Variants in ABCC8 observed in about 807,000 individuals in gnomAD.
The protein encoded by ABCC8 is ATP binding cassette subfamily C member 8.
Under a neutral mutation model 188.0 loss-of-function variants are expected in ABCC8, and 137 were observed. The ratio of observed to expected loss-of-function variants is 0.73; its 90% CI spans 0.63 to 0.84. The LOEUF (loss-of-function observed/expected upper bound fraction) is 0.84, where lower values mean the gene tolerates loss of function less well. Among genes scored for constraint, ABCC8 ranks in the 40% least tolerant of loss-of-function variants. The probability of loss-of-function intolerance (pLI) is 0.00; values close to 1 mark genes in which losing one functional copy is unlikely to be tolerated. For synonymous variants in ABCC8, 797 were observed against 846.5 expected (o/e 0.94, Z 1.01); for missense variants, 1,750 against 2,072.7 (o/e 0.84, Z 3.02).
rs1324693281 is a variant in ABCC8, at chr11:17,463,421, C to G, written c.579+17G>C. On this transcript the variant is annotated intron_variant, in intron 4 of 38. Transcript: ENST00000389817. ...CCTCTGCTTCCCACCCCACCCTGGC[C>G]CAGGTGGCCTGCTTACCCTCACCCT... 6.3e-7 allele frequency: 1 copy of G among 1,593,222 alleles called. No individual in the cohort carries two copies. The highest frequency in any genetic ancestry group is 8.6e-7 in the Non-Finnish European group (1 of 1,169,150).
chr11:17,399,275 C>CAAAAAAAAAAAAAAAAAAA (rs57138230), intron 29 of ABCC8, among the ~76,000 whole-genome samples: 3 of 58,548 alleles, frequency 5.1e-5, no homozygotes, highest in African/African-American at 9.0e-5. Flanking sequence ...GACTCTGCCT[C>CAAAAAAAAAAAAAAAAAAA]AAAAAAAAAA....
chr11:17,448,810 T>G, intron 7 of ABCC8, 139 bp from the exon 8 acceptor site: 1 of 1,364,636 alleles, frequency 7.3e-7, no homozygotes, highest in Non-Finnish European at 1.0e-6. Flanking sequence ...AAGGTGGTAC[T>G]GTATCACCGT....
At chr11:17,394,873 G>A (rs199655951) in intron 36 of ABCC8, among the ~76,000 whole-genome samples, 1 of 152,074 alleles carries the variant, frequency 6.6e-6, no homozygotes, top group Admixed American at 6.5e-5. Context: ...GATGGGGCAG[G>A]GCAGGGCTGA....
At chr11:17,441,662 C>A (rs2237978) in intron 10 of ABCC8, among the ~76,000 whole-genome samples, 1 of 151,976 alleles carries the variant, frequency 6.6e-6, no homozygotes, top group Admixed American at 6.6e-5. Flanking sequence ...CACGGAGCCA[C>A]GAGACCAACT....
chr11:17,423,986 G>A (rs1955468907), intron 16 of ABCC8, among the ~76,000 whole-genome samples: 1 of 152,200 alleles, frequency 6.6e-6, no homozygotes, highest in African/African-American at 2.4e-5. Context: ...AATATCTACT[G>A]CACAGAGTTC....
At chr11:17,400,220 C>T (rs1311269597) in intron 29 of ABCC8, among the ~76,000 whole-genome samples, 3 of 152,288 alleles carry the variant, frequency 2.0e-5, no homozygotes, top group African/African-American at 7.2e-5. Context: ...GAGCATGCTA[C>T]TGCACACCCC....
chr11:17,396,723 A>G, intron 33 of ABCC8, 193 bp downstream of exon 33: 2 of 688,704 alleles, frequency 2.9e-6, no homozygotes, highest in Non-Finnish European at 4.9e-6. Context: ...TGAGGGCAGC[A>G]CTGGGGGAAG....
Position 17,430,864 on chromosome 11 carries a change from C to A in ABCC8, c.1767G>T (p.Pro589=), listed in dbSNP as rs550788491. ...SLSLFHILVT[P]LFLLSSVVRS... ...GGACCACACTGGACAGCAGGAACAG[C>A]GGTGTGACCAAGATATGGAAGAGGG... The change falls in exon 12 of 39, where the codon CCG becomes CCT. Residue 589 remains proline, a synonymous_variant. Transcript: ENST00000389817. The A allele has an allele frequency of 1.9e-6, 3 of 1,614,112 alleles. No homozygotes were observed. The highest frequency in any genetic ancestry group is 1.7e-5 in the Admixed American group (1 of 60,004).
At chr11:17,476,119 G>A (rs1396963262) in intron 1 of ABCC8, among the ~76,000 whole-genome samples, 1 of 152,214 alleles carries the variant, frequency 6.6e-6, no homozygotes. Context: ...GACTGTCAGA[G>A]ATCACGGACC....
intron 33 of ABCC8, chr11:17,396,395 A>C (rs1953929761): frequency 1.3e-5 from 4 of 316,776 alleles, no homozygotes; most frequent in South Asian, 1.2e-4. Context: ...ATAGTGACAT[A>C]GAAGGATGAG....
At chr11:17,421,424 G>A (rs1203879038) in intron 16 of ABCC8, among the ~76,000 whole-genome samples, 1 of 152,196 alleles carries the variant, frequency 6.6e-6, no homozygotes, top group East Asian at 1.9e-4. Flanking sequence ...TATAATGGCA[G>A]CCTCTTGAAG....
At chr11:17,472,205 A>G (rs1218281208) in intron 2 of ABCC8, among the ~76,000 whole-genome samples, 2 of 152,242 alleles carry the variant, frequency 1.3e-5, no homozygotes, top group Non-Finnish European at 2.9e-5. Context: ...ACATGGCTTC[A>G]TAGAATAGTT....
At chr11:17,430,610 A>G (rs1188691284) in intron 12 of ABCC8, 4 of 691,292 alleles carry the variant, frequency 5.8e-6, no homozygotes, top group Non-Finnish European at 1.1e-5. Flanking sequence ...GGAGGTATGT[A>G]AGCAAGTCCT....
At chr11:17,474,557 T>C (rs201537265) in intron 2 of ABCC8, among the ~76,000 whole-genome samples, 1 of 151,318 alleles carries the variant, frequency 6.6e-6, no homozygotes, top group Non-Finnish European at 1.5e-5. Context: ...TTTTTTTTTT[T>C]CCAAGAAGGT....
At chr11:17,396,008 T>A in intron 33 of ABCC8, 78 bp from the exon 34 acceptor site, 1 of 1,545,890 alleles carries the variant, frequency 6.5e-7, no homozygotes, top group East Asian at 2.4e-5. Context: ...TCTGGGTGTG[T>A]GTGCAGGTGT....
rs997475867 is a variant in ABCC8, at chr11:17,454,714, T to C, written c.1012-1431A>G. Among the ~76,000 whole-genome samples the C allele has an allele frequency of 3.3e-5, 5 of 152,030 alleles. No individual in the cohort carries two copies. The East Asian group carries it at 5.8e-4, about 18-fold the overall frequency. ...ACCATTATTAGCCCCATTTCATACATGAAAAAAAGGAGTTTCAGTAGGGTT... is the reference window on the plus strand; with the variant it reads ...ACCATTATTAGCCCCATTTCATACACGAAAAAAAGGAGTTTCAGTAGGGTT... On this transcript the variant is annotated intron_variant, in intron 6 of 38. Transcript: ENST00000389817.
At chr11:17,418,535 T>G (rs1955187235) in intron 16 of ABCC8, among the ~76,000 whole-genome samples, 2 of 152,196 alleles carry the variant, frequency 1.3e-5, no homozygotes, top group Non-Finnish European at 2.9e-5. Context: ...CATAGAAACC[T>G]AAAGCTTACA....
chr11:17,471,264 G>T (rs576323485), intron 2 of ABCC8, among the ~76,000 whole-genome samples: 1 of 152,214 alleles, frequency 6.6e-6, no homozygotes, highest in Non-Finnish European at 1.5e-5. Context: ...TGATACTGCC[G>T]ATGGACAGAG....
At chr11:17,413,340 A>G in intron 20 of ABCC8, 54 bp downstream of exon 20, 1 of 1,607,556 alleles carries the variant, frequency 6.2e-7, no homozygotes, top group Non-Finnish European at 8.5e-7. Context: ...GTCTCAGGGC[A>G]TGGTAGGTTG....
Sources: allele counts gnomAD v4.1 joint callset (sites outside exome capture counted in the v4.1 genomes callset), GRCh38; gene constraint gnomAD v4.1.1; transcripts MANE v1.5; gene names NCBI Gene and HGNC (gene_info 2026-07-23, HGNC 2026-07-21).